The following ZNF90 variants were observed in gnomAD, a reference collection of about 807,000 sequenced individuals.
The protein encoded by ZNF90 is zinc finger protein 90, also known as zinc finger protein HTF9.
ZNF90 carries 11 observed loss-of-function variants against 12.0 expected under a neutral mutation model. The observed-to-expected ratio is 0.92, with a 90% confidence interval of 0.58 to 1.52. The LOEUF is 1.52. Among genes scored for constraint, ZNF90 ranks in the 40% most tolerant of loss-of-function variants. The pLI, the probability that ZNF90 is intolerant of heterozygous loss-of-function variation, is 0.00. For missense variants in ZNF90, 765 were observed against 711.5 expected, an observed-to-expected ratio of 1.08 and a Z score of -0.86; for synonymous variants, 232 against 240.1, an observed-to-expected ratio of 0.97 and a Z score of 0.31.
At chr19:20,114,302 C>T (rs1386085880) in intron 3 of ZNF90, among the ~76,000 whole-genome samples, 7 of 152,136 alleles carry the variant, frequency 4.6e-5, no homozygotes, top group Non-Finnish European at 7.4e-5. Context: ...TCTAAATATT[C>T]AGTTTGTTCA....
chr19:20,116,106 C>CA (rs1555705643), intron 3 of ZNF90, among the ~76,000 whole-genome samples: 1 of 152,118 alleles, frequency 6.6e-6, no homozygotes, highest in Non-Finnish European at 1.5e-5. Context: ...CTCCTGACCT[C>CA]AAATGATTCA....
rs1324952632 is a variant in ZNF90 at position 20,117,833 on chromosome 19, T to A, written c.279T>A (p.Asp93Glu). The change falls in exon 4 of 4, where the codon GAT (aspartate) becomes GAA (glutamate). Residue 93 changes from aspartate to glutamate, a missense_variant. By Grantham distance (45) the Asp-to-Glu change is conservative. Coordinates refer to ENST00000418063, the MANE Select transcript of ZNF90 (RefSeq NM_007138.2). ...QDLCPEQSLK[D>E]SFQKVIVTRY... ...TTTGTCCAGAGCAGAGCCTAAAAGA[T>A]TCCTTCCAAAAAGTGATAGTGACAA... is the stretch of plus-strand genomic sequence containing the variant. 6.3e-7 allele frequency: 1 copy of A among 1,596,102 alleles called. No homozygotes were observed. The highest frequency in any genetic ancestry group is 8.5e-7 in the Non-Finnish European group (1 of 1,172,632).
chr19:20,092,955 G>C (rs1425344233), intron 1 of ZNF90, among the ~76,000 whole-genome samples: 1 of 152,200 alleles, frequency 6.6e-6, no homozygotes, highest in East Asian at 1.9e-4. Context: ...GAAAGAGCTT[G>C]GCTGAAGTAA....
Position 20,118,027 on chromosome 19 carries a change from CAA to C in ZNF90, c.475_476del (p.Asn159PhefsTer5). The C allele has an allele frequency of 6.2e-7, 1 of 1,611,582 alleles. No homozygotes were observed. The highest frequency in any genetic ancestry group is 8.5e-7 in the Non-Finnish European group (1 of 1,178,776). ...TATGTGAAAGTCTCTCATATATTTT[CAA>C]ATTCAAACAGACATAAGATAAGAGA... is the stretch of plus-strand genomic sequence containing the variant. On this transcript the variant is annotated frameshift_variant, in exon 4 of 4. Transcript: ENST00000418063. LOFTEE classifies it low-confidence loss of function (END_TRUNC).
At position 20,119,365 on chromosome 19, in the gene ZNF90, T is replaced by C; in HGVS notation, c.*5T>C. 1 of 1,567,860 alleles carries C rather than the reference T, an allele frequency of 6.4e-7. No individual in the cohort carries two copies. The highest frequency in any genetic ancestry group is 1.2e-5 in the South Asian group (1 of 85,982). ...AAGAACATGGCAAATCTTTGAAATA[T>C]TCCTCAACCCTTAATAAACATAAGA... On this transcript the variant is annotated 3_prime_UTR_variant, in exon 4 of 4. Coordinates refer to ENST00000418063, the MANE Select transcript of ZNF90 (RefSeq NM_007138.2).
intron 1 of ZNF90, chr19:20,080,147 C>T (rs1458456511): frequency 7.2e-6 from 3 of 418,356 alleles, no homozygotes; most frequent in Non-Finnish European, 9.4e-6. Flanking sequence ...GTTGAGGCTG[C>T]AAGAATTGCA....
Position 20,118,975 on chromosome 19 carries a change from G to A in ZNF90, c.1421G>A (p.Ser474Asn). The A allele has an allele frequency of 6.2e-7, 1 of 1,606,818 alleles. No homozygotes were observed. The highest frequency in any genetic ancestry group is 8.5e-7 in the Non-Finnish European group (1 of 1,177,170). The change falls in exon 4 of 4, where the codon AGT (serine) becomes AAT (asparagine). Residue 474 changes from serine (S) to asparagine (N), a missense_variant. Transcript: ENST00000418063. ...RSSNLTTHKISHTEEKLYKCQ... is the reference protein window; with the variant it reads ...RSSNLTTHKINHTEEKLYKCQ... ...TCAAACCTTACTACACATAAGATAA[G>A]TCATACTGAAGAGAAACTCTACAAA...
At chr19:20,100,660 C>T (rs2088982032) in intron 1 of ZNF90, among the ~76,000 whole-genome samples, 1 of 152,108 alleles carries the variant, frequency 6.6e-6, no homozygotes, top group African/African-American at 2.4e-5. Flanking sequence ...CCAACCTCCC[C>T]AACAGCATTT....
At chr19:20,098,780 G>A (rs765051) in intron 1 of ZNF90, among the ~76,000 whole-genome samples, 10,511 of 152,190 alleles carry the variant, frequency 0.069, 1,035 homozygotes, top group African/African-American at 0.22. Flanking sequence ...GACAAGAATG[G>A]TTTTTTCTTC....
intron 1 of ZNF90, chr19:20,079,843 C>T: frequency 2.7e-6 from 1 of 375,092 alleles, no homozygotes. Context: ...CTGTCCCGGC[C>T]CTGAAGCGAT....
In ZNF90 at chr19:20,118,885, A is replaced by G. The variant is rs1555706180; in HGVS notation, c.1331A>G (p.Lys444Arg). ...FKRSSALSTH[K>R]IIHSGEKPYK... is the part of the protein sequence containing the mutation. ...CGCTCCTCAGCCCTTAGCACACATA[A>G]GATAATTCATAGTGGAGAGAAACCC... The change falls in exon 4 of 4, where the codon AAG (lysine) becomes AGG (arginine). Residue 444 changes from lysine (K) to arginine (R), a missense_variant. By Grantham distance (26) the Lys-to-Arg change is conservative. Coordinates refer to ENST00000418063, the MANE Select transcript of ZNF90 (RefSeq NM_007138.2). 1 of 1,612,060 alleles carries G rather than the reference A, an allele frequency of 6.2e-7. No homozygotes were observed. Among genetic ancestry groups the G allele is most frequent in the Non-Finnish European group, 8.5e-7 (1 of 1,179,134 alleles).
At chr19:20,102,322 C>A (rs1330956764) in intron 1 of ZNF90, among the ~76,000 whole-genome samples, 1 of 152,166 alleles carries the variant, frequency 6.6e-6, no homozygotes, top group Non-Finnish European at 1.5e-5. Context: ...GTCACTCCTA[C>A]TCACCTGACT....
rs558922711 is a variant in ZNF90, at chr19:20,102,427, G to A, written c.4-1812G>A. 1.8e-4 allele frequency among the ~76,000 whole-genome samples: 27 copies of A among 152,188 alleles called. 3 individuals carry two copies. In the South Asian group the frequency reaches 5.2e-3, roughly 29 times the overall value. On this transcript the variant is annotated intron_variant, in intron 1 of 3. Coordinates refer to ENST00000418063, the MANE Select transcript of ZNF90 (RefSeq NM_007138.2). ...CCAATCAGAATTAGCTTAGACTGTG[G>A]TCCAACCCTAGCCAATAGCAGAAAG...
At chr19:20,096,750 C>T (rs961115174) in intron 1 of ZNF90, among the ~76,000 whole-genome samples, 4 of 152,164 alleles carry the variant, frequency 2.6e-5, no homozygotes, top group South Asian at 2.1e-4. Context: ...ACAGGGGATG[C>T]GATGGCTTGG....
At chr19:20,110,382 A>G (rs10411419) in intron 3 of ZNF90, among the ~76,000 whole-genome samples, 30,079 of 151,908 alleles carry the variant, frequency 0.2, 4,636 homozygotes, top group African/African-American at 0.44. Flanking sequence ...GGGTTCAAGC[A>G]ATTCTCCTGC....
Position 20,113,772 on chromosome 19 carries a change from G to T in ZNF90, c.227-4009G>T, listed in dbSNP as rs552147501. Among the ~76,000 whole-genome samples, 167 of 152,148 alleles carry T rather than the reference G, an allele frequency of 1.1e-3. 1 individual carries two copies. The highest frequency in any genetic ancestry group is 3.8e-3 in the African/African-American group (157 of 41,560). ...GAACCCGGGAGGCAGAGCTTGCAGT[G>T]AGCGGAGATCGCGCCACTGCACTCC... On this transcript the variant is annotated intron_variant, in intron 3 of 3. Transcript: ENST00000418063.
chr19:20,111,326 G>A (rs1467401560), intron 3 of ZNF90, among the ~76,000 whole-genome samples: 2 of 152,072 alleles, frequency 1.3e-5, no homozygotes, highest in African/African-American at 2.4e-5. Flanking sequence ...TTCAGGTGAT[G>A]ATCTCATTTC....
At chr19:20,083,674 A>G (rs763209543) in intron 1 of ZNF90, among the ~76,000 whole-genome samples, 9 of 152,104 alleles carry the variant, frequency 5.9e-5, no homozygotes, top group Non-Finnish European at 1.2e-4. Flanking sequence ...CATCGATGTT[A>G]TTGCAAAGGA....
At chr19:20,085,268 C>CTTTTTTTTTTCTCTTTTTTT (rs56068843) in intron 1 of ZNF90, among the ~76,000 whole-genome samples, 1 of 135,572 alleles carries the variant, frequency 7.4e-6, no homozygotes, top group Non-Finnish European at 1.5e-5. Context: ...TTGCATTGGT[C>CTTTTTTTTTTCTCTTTTTTT]TTTTTTTTTT....
Sources: gnomAD v4.1 joint callset for allele counts (sites outside exome capture counted in the v4.1 genomes callset) on GRCh38, gnomAD v4.1.1 for gene constraint, MANE v1.5 for transcripts, NCBI Gene and HGNC (gene_info 2026-07-23, HGNC 2026-07-21) for gene names.